MLPH: variants seen among roughly 807,000 people sequenced by gnomAD.
The protein encoded by MLPH is exophilin-3.
A neutral mutation model predicts 72.1 loss-of-function variants in MLPH; 51 were observed. The observed-to-expected ratio is 0.71, with a 90% CI of 0.56 to 0.89. The LOEUF (loss-of-function observed/expected upper bound fraction) is 0.89, where lower values mean the gene tolerates loss of function less well. MLPH is among the 40% of genes least tolerant of loss of function. The probability of loss-of-function intolerance (pLI) is 0.00; values close to 1 mark genes in which losing one functional copy is unlikely to be tolerated. For synonymous variants in MLPH, 301 were observed against 310.1 expected (o/e 0.97, Z 0.31); for missense variants, 743 against 759.9 (o/e 0.98, Z 0.26).
At chr2:237,538,018 G>A (rs959678384) in intron 9 of MLPH, among the ~76,000 whole-genome samples, 19 of 152,224 alleles carry the variant, frequency 1.2e-4, no homozygotes, top group African/African-American at 2.7e-4. Flanking sequence ...GTGAATGGGC[G>A]TCGTCTTCCT....
rs548753871 is a variant in MLPH, at chr2:237,512,627, C to T, written c.445+1526C>T. On this transcript the variant is annotated intron_variant, in intron 4 of 15. Transcript: ENST00000264605. The surrounding 1 kb of genome is among the most constrained non-coding windows in gnomAD (Gnocchi z 5.5). ...TAGCAGCAAATCCCACCTCCCCACA[C>T]GCACACGGCCAGCCTGGAGCCCACA... Among the ~76,000 whole-genome samples, 16 of 152,264 alleles carry T rather than the reference C, an allele frequency of 1.1e-4. No individual in the cohort carries two copies. The highest frequency in any genetic ancestry group is 2.2e-4 in the African/African-American group (9 of 41,544).
At chr2:237,524,352 G>A (rs942632085) in intron 6 of MLPH, among the ~76,000 whole-genome samples, 3 of 142,946 alleles carry the variant, frequency 2.1e-5, no homozygotes, top group Admixed American at 6.8e-5. Flanking sequence ...TAACTTACAC[G>A]ATCACGAGTC....
rs140494726 is a variant in MLPH, at chr2:237,546,598, C to G, written c.1540-8C>G. On this transcript the variant is annotated splice_polypyrimidine_tract_variant and splice_region_variant and intron_variant, in intron 12 of 15. Transcript: ENST00000264605. ...AACAATAACATAAGTCTCTTCTTTG[C>G]CCTCCAGATATTTCTCCCTCGAGTG... 3 of 1,613,398 alleles carry G rather than the reference C, an allele frequency of 1.9e-6. No homozygotes were observed. The highest frequency in any genetic ancestry group is 2.5e-6 in the Non-Finnish European group (3 of 1,179,358).
In MLPH at chr2:237,510,248, T is replaced by G. The variant is rs1165606093; in HGVS notation, c.111-326T>G. On this transcript the variant is annotated intron_variant, in intron 2 of 15. Coordinates refer to ENST00000264605, the MANE Select transcript of MLPH (RefSeq NM_024101.7). This position sits in a 1 kb window ranked among gnomAD's most constrained non-coding sequence, Gnocchi z 4.4. The stretch of plus-strand genomic sequence containing the variant: ...TGCCCCCAGGATTCTGTGACTGCCC[T>G]GGGGAGGGCGCAGTGACCTGCCAAC... 1 of 390,024 alleles carries G rather than the reference T, an allele frequency of 2.6e-6. No homozygotes were observed. The allele number at this position is 390,024 out of a possible 1,614,324, so 24.2% of individuals were successfully genotyped here. A position where few individuals can be genotyped will look rare whatever the true frequency, so the allele number is the denominator to read the frequency against.
intron 6 of MLPH, among the ~76,000 whole-genome samples, chr2:237,521,585 G>A (rs1364686127): frequency 2.7e-5 from 4 of 146,700 alleles, no homozygotes; most frequent in Non-Finnish European, 4.5e-5. Flanking sequence ...TGGAGAATGC[G>A]ATGTTTTTTG....
rs190676190 is a variant in MLPH at position 237,493,261 on chromosome 2, C to A, written c.-24-142C>A. On this transcript the variant is annotated intron_variant, in intron 1 of 15. Coordinates refer to ENST00000264605, the MANE Select transcript of MLPH (RefSeq NM_024101.7). ...TCATTAAACTACACAAGTTTCCAGA[C>A]AAGCATTAGAAAACCATTTAACCCA... The A allele has an allele frequency of 2.3e-4, 146 of 637,922 alleles. No homozygotes were observed. In the African/African-American group the frequency reaches 2.5e-3, roughly 11 times the overall value. 39.5% of individuals were successfully genotyped at this position (637,922 alleles called of 1,614,324 possible).
chr2:237,525,500 T>C (rs2080282691), intron 6 of MLPH, 101 bp from the exon 7 acceptor site: 2 of 1,197,576 alleles, frequency 1.7e-6, no homozygotes, highest in Non-Finnish European at 2.4e-6. Flanking sequence ...GTCAGTCAAG[T>C]GCCTGGAAAG....
chr2:237,509,677 C>T (rs1249394882), intron 2 of MLPH, among the ~76,000 whole-genome samples: 2 of 152,144 alleles, frequency 1.3e-5, no homozygotes, highest in Non-Finnish European at 2.9e-5. Context: ...ATTTCGTGTC[C>T]ATCTCAGTGA....
chr2:237,530,075 C>T lies in MLPH; in HGVS notation c.1020+2559C>T, dbSNP rs780047056. Among the ~76,000 whole-genome samples, 16 of 152,350 alleles carry T rather than the reference C, an allele frequency of 1.1e-4. 1 individual carries two copies. Among genetic ancestry groups the T allele is most frequent in the Admixed American group, 7.2e-4 (11 of 15,308 alleles). On this transcript the variant is annotated intron_variant, in intron 8 of 15. Transcript: ENST00000264605. ...TCTGCAGGGTCTAGGGCTTCTCCAG[C>T]GCCCTGGCCTTTCGGTGCACAGGAC...
At chr2:237,526,303 G>C (rs927465548) in intron 7 of MLPH, among the ~76,000 whole-genome samples, 3 of 152,090 alleles carry the variant, frequency 2.0e-5, no homozygotes, top group African/African-American at 7.2e-5. Context: ...GTACCCCAAG[G>C]GTGTATGTAC....
Position 237,540,125 on chromosome 2 carries a change from T to C in MLPH, c.1105-223T>C, listed in dbSNP as rs74003113. Among the ~76,000 whole-genome samples, 24,813 of 152,226 alleles carry C rather than the reference T, an allele frequency of 0.16. 2,378 individuals are homozygous for C. The highest frequency in any genetic ancestry group is 0.24 in the African/African-American group (9,884 of 41,532). Reference sequence around the variant, plus strand: ...GGTCTTAGATAGCCAGGGGTGGTGGTCAGCTTTCCCTGGGAACCCCCAGCC... The same window carrying C: ...GGTCTTAGATAGCCAGGGGTGGTGGCCAGCTTTCCCTGGGAACCCCCAGCC... On this transcript the variant is annotated intron_variant, in intron 9 of 15. Transcript: ENST00000264605.
At position 237,553,747 on chromosome 2, in the gene MLPH, T is replaced by A; in HGVS notation, c.*155T>A. On this transcript the variant is annotated 3_prime_UTR_variant, in exon 16 of 16. Coordinates refer to ENST00000264605, the MANE Select transcript of MLPH (RefSeq NM_024101.7). ...CTCCACATGGACTCCCACCTGCAAG[T>A]GGACAGCGACATTCAGTCCTGCACT... 9.8e-7 allele frequency: 1 copy of A among 1,021,686 alleles called. No homozygotes were observed. Among genetic ancestry groups the A allele is most frequent in the Non-Finnish European group, 1.6e-6 (1 of 640,666 alleles). The allele number at this position is 1,021,686 out of a possible 1,614,324, so 63.3% of individuals were successfully genotyped here. A position where few individuals can be genotyped will look rare whatever the true frequency, so the allele number is the denominator to read the frequency against.
At position 237,541,946 on chromosome 2, in the gene MLPH, G is replaced by T. The variant is rs1468311273; in HGVS notation, c.1447-621G>T. On this transcript the variant is annotated intron_variant, in intron 11 of 15. Transcript: ENST00000264605. The surrounding 1 kb of genome is among the most constrained non-coding windows in gnomAD (Gnocchi z 5.1). ...TCCAGGGGGCAGGAGGCCGGGTGGA[G>T]GGAGCAGCCCGTGCCAAGGCCCTGG... 6.6e-6 allele frequency among the ~76,000 whole-genome samples: 1 copy of T among 152,242 alleles called. No individual in the cohort carries two copies. The highest frequency in any genetic ancestry group is 2.4e-5 in the African/African-American group (1 of 41,458).
intron 1 of MLPH, among the ~76,000 whole-genome samples, chr2:237,491,442 G>A (rs536162033): frequency 1.2e-4 from 18 of 152,340 alleles, no homozygotes; most frequent in African/African-American, 3.8e-4. Flanking sequence ...GCATCTGAGG[G>A]CCGAGGGCTT....
In MLPH at chr2:237,519,924, C is replaced by G. The variant is rs2106323667; in HGVS notation, c.570C>G (p.Leu190=). ...TGCCTGCTAAGAAAAAGCGCCTCCTCTCCGTCCACGACTTCGACTTCGAGG... is the reference window on the plus strand; with the variant it reads ...TGCCTGCTAAGAAAAAGCGCCTCCTGTCCGTCCACGACTTCGACTTCGAGG... ...QPFGSKKKRL[L]SVHDFDFEGD... The change falls in exon 6 of 16, where the codon CTC becomes CTG. Residue 190 remains leucine, a synonymous_variant. Transcript: ENST00000264605. 5 of 1,614,012 alleles carry G rather than the reference C, an allele frequency of 3.1e-6. No individual in the cohort carries two copies. The East Asian group carries it at 1.1e-4, about 36-fold the overall frequency.
At chr2:237,536,888 C>G (rs908188616) in intron 9 of MLPH, among the ~76,000 whole-genome samples, 1 of 152,052 alleles carries the variant, frequency 6.6e-6, no homozygotes, top group African/African-American at 2.4e-5. Context: ...CGCTCTGGCT[C>G]TTGTTGGTAC....
At chr2:237,532,130 GA>G (rs1429486798) in intron 8 of MLPH, among the ~76,000 whole-genome samples, 2 of 152,196 alleles carry the variant, frequency 1.3e-5, no homozygotes, top group African/African-American at 4.8e-5. Context: ...CAGACTCTTA[GA>G]GGGGCCTTTG....
chr2:237,492,907 G>A (rs1244983439), intron 1 of MLPH, among the ~76,000 whole-genome samples: 1 of 152,238 alleles, frequency 6.6e-6, no homozygotes, highest in Non-Finnish European at 1.5e-5. Flanking sequence ...AGAGCCTGCA[G>A]CATCGCTCTA....
At chr2:237,496,780 T>C (rs76765471) in intron 2 of MLPH, among the ~76,000 whole-genome samples, 4,642 of 152,264 alleles carry the variant, frequency 0.03, 204 homozygotes, top group African/African-American at 0.093. Context: ...CGTAGAGTAC[T>C]GTGTTGAAAA....
Sources: gnomAD v4.1 joint callset for allele counts (sites outside exome capture counted in the v4.1 genomes callset) on GRCh38, gnomAD v4.1.1 for gene constraint, Gnocchi (gnomAD v3.1) non-coding constraint, MANE v1.5 for transcripts, NCBI Gene and HGNC (gene_info 2026-07-23, HGNC 2026-07-21) for gene names.